The following PRPF6 variants were observed in gnomAD, a reference collection of about 807,000 sequenced individuals.
The protein encoded by PRPF6 is pre-mRNA-processing factor 6.
In PRPF6, 42 loss-of-function variants were observed where a neutral mutation model predicts 118.3. The ratio of observed to expected loss-of-function variants is 0.35; its 90% CI spans 0.28 to 0.46. PRPF6 has a LOEUF of 0.46. Ranked by LOEUF, PRPF6 falls within the 20% of genes least tolerant of loss-of-function variation. The probability of loss-of-function intolerance (pLI) is 1.00; values close to 1 mark genes in which losing one functional copy is unlikely to be tolerated. For synonymous variants in PRPF6, 481 were observed against 485.1 expected (o/e 0.99, Z 0.11); for missense variants, 662 against 1,255.7 (o/e 0.53, Z 7.15).
intron 12 of PRPF6, among the ~76,000 whole-genome samples, chr20:64,018,485 G>A (rs780681874): frequency 5.3e-5 from 8 of 152,152 alleles, no homozygotes; most frequent in African/African-American, 1.7e-4. Context: ...GGCAGTGGCC[G>A]CAGGTGTTTC....
chr20:64,003,786 G>A (rs2059178193), intron 9 of PRPF6, among the ~76,000 whole-genome samples: 1 of 152,120 alleles, frequency 6.6e-6, no homozygotes, highest in South Asian at 2.1e-4. Flanking sequence ...TTTTATTAGA[G>A]ATGGGGTTTC....
At position 63,983,224 on chromosome 20, in the gene PRPF6, T is replaced by G. The variant is rs755191712; in HGVS notation, c.240+9T>G. 5 of 1,614,218 alleles carry G rather than the reference T, an allele frequency of 3.1e-6. No individual in the cohort carries two copies. On this transcript the variant is annotated intron_variant, in intron 2 of 20. Transcript: ENST00000266079. ...ACACCAATTACGATGAGGTGAGATG[T>G]GTCCGGCTTTCGTGGCTCCTCCAGC...
At chr20:64,020,096 G>T (rs748581998) in intron 12 of PRPF6, among the ~76,000 whole-genome samples, 6 of 152,300 alleles carry the variant, frequency 3.9e-5, no homozygotes, top group Admixed American at 1.3e-4. Flanking sequence ...CTTACCTTCA[G>T]CAACAAACTC....
Position 64,032,064 on chromosome 20 carries a change from C to A in PRPF6, c.2673+20C>A. 1 of 1,613,600 alleles carries A rather than the reference C, an allele frequency of 6.2e-7. No individual in the cohort carries two copies. On this transcript the variant is annotated intron_variant, in intron 20 of 20. Coordinates refer to ENST00000266079, the MANE Select transcript of PRPF6 (RefSeq NM_012469.4). The stretch of plus-strand genomic sequence containing the variant: ...ACTGAGGTGAGGCCCCTCGACAGAC[C>A]GCCGCTCAGTGCCTTCTGGGACTGT...
rs1304610611 is a variant in PRPF6, at chr20:63,993,264, A to ATG, written c.360-142_360-141insGT. 1.2e-3 allele frequency: 301 copies of ATG among 257,834 alleles called. 2 individuals carry two copies. The highest frequency in any genetic ancestry group is 5.1e-3 in the Middle Eastern group (4 of 780). The allele number at this position is 257,834 out of a possible 1,614,324, so 16.0% of individuals were successfully genotyped here. ...TGTGTGTGTGTGTGTGTGTGTGTGT[A>ATG]TATGTATATATATATATATATATTT... is the stretch of plus-strand genomic sequence containing the variant. On this transcript the variant is annotated intron_variant, in intron 3 of 20. Coordinates refer to ENST00000266079, the MANE Select transcript of PRPF6 (RefSeq NM_012469.4).
chr20:63,999,237 G>T (rs2059154942), intron 7 of PRPF6, 98 bp downstream of exon 7: 1 of 1,013,050 alleles, frequency 9.9e-7, no homozygotes, highest in Admixed American at 1.9e-5. Context: ...AATGGGACAT[G>T]GCGGTTCTAA....
At chr20:64,007,784 T>C (rs1217379965) in intron 9 of PRPF6, among the ~76,000 whole-genome samples, 1 of 152,058 alleles carries the variant, frequency 6.6e-6, no homozygotes, top group South Asian at 2.1e-4. Flanking sequence ...CTAATTTCTT[T>C]TTCTTTTTTT....
intron 9 of PRPF6, among the ~76,000 whole-genome samples, chr20:64,004,328 C>T (rs1018560353): frequency 2.6e-5 from 4 of 152,272 alleles, no homozygotes; most frequent in Non-Finnish European, 5.9e-5. Context: ...GCCTTTGCCG[C>T]TGCCCTAATA....
intron 12 of PRPF6, among the ~76,000 whole-genome samples, 180 bp downstream of exon 12, chr20:64,017,025 C>T (rs1019795973): frequency 2.0e-5 from 3 of 152,128 alleles, no homozygotes; most frequent in Non-Finnish European, 2.9e-5. Flanking sequence ...TCACTACAAC[C>T]TCCACCTCCT....
chr20:64,020,486 G>GAACA (rs2059257753), intron 12 of PRPF6, among the ~76,000 whole-genome samples: 1 of 152,194 alleles, frequency 6.6e-6, no homozygotes, highest in Non-Finnish European at 1.5e-5. Flanking sequence ...GGCTGAGTGG[G>GAACA]AACAGGTGTC....
rs759827590 is a variant in PRPF6 at position 64,026,787 on chromosome 20, G to A, written c.2029-195G>A. ...TGCACTCCAGCCTGGGTGACAGAGC[G>A]AGACTCTATCTCAAAAAAAAACAAA... On this transcript the variant is annotated intron_variant, in intron 15 of 20. Transcript: ENST00000266079. This position sits in a 1 kb window ranked among gnomAD's most constrained non-coding sequence, Gnocchi z 4.4. Among the ~76,000 whole-genome samples the A allele has an allele frequency of 1.3e-5, 2 of 150,052 alleles. No individual in the cohort carries two copies. Among genetic ancestry groups the A allele is most frequent in the African/African-American group, 2.5e-5 (1 of 40,074 alleles).
At chr20:63,999,529 G>A in intron 7 of PRPF6, 74 bp from the exon 8 acceptor site, 2 of 1,573,822 alleles carry the variant, frequency 1.3e-6, no homozygotes, top group East Asian at 2.2e-5. Context: ...CTGTGAAGTG[G>A]GTGCCCTCAT....
intron 10 of PRPF6, among the ~76,000 whole-genome samples, chr20:64,010,622 A>G (rs2059212560): frequency 6.6e-6 from 1 of 152,230 alleles, no homozygotes; most frequent in Non-Finnish European, 1.5e-5. Flanking sequence ...TCAGCAGCCC[A>G]GAGTTTGTCA....
chr20:63,983,625 C>T (rs1463094908), intron 2 of PRPF6, among the ~76,000 whole-genome samples: 1 of 149,284 alleles, frequency 6.7e-6, no homozygotes, highest in African/African-American at 2.5e-5. Flanking sequence ...GTTAGGACCA[C>T]TGCCTTGGCA....
chr20:63,994,179 C>T (rs866575877), intron 4 of PRPF6, among the ~76,000 whole-genome samples: 155 of 133,326 alleles, frequency 1.2e-3, no homozygotes, highest in African/African-American at 4.0e-3. Context: ...TTTTTTGAGA[C>T]GGAGTTTGGC....
intron 9 of PRPF6, among the ~76,000 whole-genome samples, chr20:64,005,978 T>C (rs866692053): frequency 1.3e-5 from 2 of 152,134 alleles, no homozygotes; most frequent in Non-Finnish European, 2.9e-5. Flanking sequence ...CAAGTGATCC[T>C]CCCACCTCAG....
Position 64,028,509 on chromosome 20 carries a change from G to A in PRPF6, c.2371G>A (p.Gly791Arg). 1 of 1,613,912 alleles carries A rather than the reference G, an allele frequency of 6.2e-7. No homozygotes were observed. Among genetic ancestry groups the A allele is most frequent in the Non-Finnish European group, 8.5e-7 (1 of 1,180,030 alleles). ...LESVRLEYRA[G>R]LKNIANTLMA... ...GTCCGTGCGGCTGGAGTACCGTGCG[G>A]GGCTGAAGAACATCGCAAATACACT... Residue 791 changes from glycine to arginine, a missense_variant, in exon 18 of 21, where the codon GGG becomes AGG. Physicochemically the swap from Gly to Arg is moderately radical, Grantham distance 125. Coordinates refer to ENST00000266079, the MANE Select transcript of PRPF6 (RefSeq NM_012469.4). This position sits in a 1 kb window ranked among gnomAD's most constrained non-coding sequence, Gnocchi z 6.5.
Position 63,981,290 on chromosome 20 carries a change from C to T in PRPF6, c.45C>T (p.Leu15=), listed in dbSNP as rs1348473967. Residue 15 remains leucine (L), a synonymous_variant, in exon 1 of 21, where the codon CTC becomes CTT. Coordinates refer to ENST00000266079, the MANE Select transcript of PRPF6 (RefSeq NM_012469.4). ...KKPFLGMPAP[L]GYVPGLGRGA... The stretch of plus-strand genomic sequence containing the variant: ...CGTTCCTAGGGATGCCCGCGCCCCT[C>T]GGCTACGTGCCGGGGCTGGGCCGGG... 2.5e-6 allele frequency: 4 copies of T among 1,606,980 alleles called. No homozygotes were observed. The highest frequency in any genetic ancestry group is 2.5e-6 in the Non-Finnish European group (3 of 1,176,972).
chr20:64,013,385 TTC>T (rs1221441286), intron 11 of PRPF6, among the ~76,000 whole-genome samples: 1 of 152,192 alleles, frequency 6.6e-6, no homozygotes, highest in Non-Finnish European at 1.5e-5. Flanking sequence ...AATTACTATT[TTC>T]TGTTATATTT....
Sources: allele counts gnomAD v4.1 joint callset (sites outside exome capture counted in the v4.1 genomes callset), GRCh38; gene constraint gnomAD v4.1.1; non-coding constraint Gnocchi (gnomAD v3.1); transcripts MANE v1.5; gene names NCBI Gene and HGNC (gene_info 2026-07-23, HGNC 2026-07-21).